The following LDLRAD2 variants were observed in gnomAD, a reference collection of about 807,000 sequenced individuals.
LDLRAD2 encodes the protein low density lipoprotein receptor class A domain containing 2, also known as low-density lipoprotein receptor class A domain-containing protein 2.
In LDLRAD2, 25 loss-of-function variants were observed where a neutral mutation model predicts 24.9. That is an observed-to-expected ratio of 1.00 (90% confidence interval 0.73 to 1.40). The LOEUF is 1.40. Ranked by LOEUF, LDLRAD2 falls within the 40% of genes most tolerant of loss-of-function variation. The probability of loss-of-function intolerance (pLI) is 0.00; values close to 1 mark genes in which losing one functional copy is unlikely to be tolerated. For missense variants in LDLRAD2, 391 were observed against 366.2 expected (o/e 1.07, Z -0.55); for synonymous variants, 182 against 166.7 (o/e 1.09, Z -0.71).
At chr1:21,819,099 T>C (rs759761094) in intron 3 of LDLRAD2, among the ~76,000 whole-genome samples, 17 of 151,722 alleles carry the variant, frequency 1.1e-4, no homozygotes, top group Non-Finnish European at 2.2e-4. Context: ...CCTGGCCAGG[T>C]GCGGTGGCTC....
chr1:21,812,413 C>T lies in LDLRAD2; in HGVS notation c.-39C>T. On this transcript the variant is annotated 5_prime_UTR_variant, in exon 1 of 5. Transcript: ENST00000344642. ...CCCCAGAGACCCCAAGCTGAAGATT[C>T]TGTGGGTCTGCCCCATTGCTGGGCA... The T allele has an allele frequency of 6.4e-7, 1 of 1,555,072 alleles. No homozygotes were observed. The highest frequency in any genetic ancestry group is 8.9e-7 in the Non-Finnish European group (1 of 1,126,850).
At position 21,824,015 on chromosome 1, in the gene LDLRAD2, C is replaced by G. The variant is rs1375866290; in HGVS notation, c.*1800C>G. 1.7e-5 allele frequency: 20 copies of G among 1,149,324 alleles called. No homozygotes were observed. In the East Asian group the frequency reaches 5.1e-4, roughly 29 times the overall value. 71.2% of individuals were successfully genotyped at this position (1,149,324 alleles called of 1,614,324 possible). On this transcript the variant is annotated 3_prime_UTR_variant, in exon 5 of 5. Transcript: ENST00000344642. The surrounding 1 kb of genome is among the most constrained non-coding windows in gnomAD (Gnocchi z 5.9). ...TTCTCCCCTCCCCTGGCTTCAAGTT[C>G]TGTCTCCACAGAGCTCAATACCTGC...
Position 21,814,662 on chromosome 1 carries a change from A to C in LDLRAD2, c.350A>C (p.Glu117Ala), listed in dbSNP as rs370165289. 2.5e-5 allele frequency: 40 copies of C among 1,589,720 alleles called. No individual in the cohort carries two copies. The highest frequency in any genetic ancestry group is 3.2e-5 in the Non-Finnish European group (38 of 1,169,272). ...CAPGSYLQFY[E>A]GPPGAPRPLG... is the part of the protein sequence containing the mutation. ...CCCGGCTCCTACCTGCAGTTCTACG[A>C]GGGCCCGCCGGGGGCGCCCCGGCCC... Residue 117 changes from glutamate to alanine, a missense_variant, in exon 2 of 5, where the codon GAG becomes GCG. Transcript: ENST00000344642.
chr1:21,814,307 G>A (rs1572107541), intron 1 of LDLRAD2, 91 bp from the exon 2 acceptor site: 2 of 1,082,186 alleles, frequency 1.8e-6, no homozygotes, highest in Non-Finnish European at 2.6e-6. Flanking sequence ...GAGAGGGCGA[G>A]TAACTCGCTT....
chr1:21,823,549 T>G lies in LDLRAD2; in HGVS notation c.*1334T>G. The G allele has an allele frequency of 6.2e-7, 1 of 1,610,660 alleles. No individual in the cohort carries two copies. The highest frequency in any genetic ancestry group is 8.5e-7 in the Non-Finnish European group (1 of 1,178,470). ...CAGCAGCCCAGGAGGCGAGGAAGGCTGGGCGAGCTCTAGCCCTAAGGGAGT... is the reference window on the plus strand; with the variant it reads ...CAGCAGCCCAGGAGGCGAGGAAGGCGGGGCGAGCTCTAGCCCTAAGGGAGT... On this transcript the variant is annotated 3_prime_UTR_variant, in exon 5 of 5. Transcript: ENST00000344642.
Position 21,824,833 on chromosome 1 carries a change from C to T in LDLRAD2, c.*2618C>T. 6.7e-7 allele frequency: 1 copy of T among 1,494,986 alleles called. No homozygotes were observed. Among genetic ancestry groups the T allele is most frequent in the Non-Finnish European group, 9.2e-7 (1 of 1,089,812 alleles). 92.6% of individuals were successfully genotyped at this position (1,494,986 alleles called of 1,614,324 possible). ...CCTGCTGCATCAGGCATCAAAATCCCCCGTCAGTTCCCCTGACCCCCACCT... is the reference window on the plus strand; with the variant it reads ...CCTGCTGCATCAGGCATCAAAATCCTCCGTCAGTTCCCCTGACCCCCACCT... On this transcript the variant is annotated 3_prime_UTR_variant, in exon 5 of 5. Transcript: ENST00000344642. The surrounding 1 kb of genome is among the most constrained non-coding windows in gnomAD (Gnocchi z 5.9).
intron 1 of LDLRAD2, among the ~76,000 whole-genome samples, chr1:21,813,922 A>G (rs1173359172): frequency 6.7e-6 from 1 of 149,964 alleles, no homozygotes; most frequent in African/African-American, 2.5e-5. Context: ...CCCAGGCTGG[A>G]GTGCAGTGGC....
chr1:21,812,589 T>G (rs1312162758), intron 1 of LDLRAD2, 53 bp downstream of exon 1: 1 of 1,433,114 alleles, frequency 7.0e-7, no homozygotes. Flanking sequence ...GCCCCCACCA[T>G]CCTTAGAGAC....
At chr1:21,819,905 A>C (rs899148913) in intron 3 of LDLRAD2, among the ~76,000 whole-genome samples, 1 of 152,214 alleles carries the variant, frequency 6.6e-6, no homozygotes, top group South Asian at 2.1e-4. Flanking sequence ...GAAACTTACA[A>C]TCTTGGCAGA....
chr1:21,818,479 G>C (rs1036124550), intron 3 of LDLRAD2, among the ~76,000 whole-genome samples: 1 of 152,206 alleles, frequency 6.6e-6, no homozygotes, highest in African/African-American at 2.4e-5. Flanking sequence ...CTCATGAAAA[G>C]ACTAGAGTTA....
chr1:21,824,069 C>T lies in LDLRAD2; in HGVS notation c.*1854C>T, dbSNP rs1040206506. The stretch of plus-strand genomic sequence containing the variant: ...TCTGCCCATGGTAGGGGGCGTCCTG[C>T]CCCACTCCAGAACGCTGGGCCCCAT... On this transcript the variant is annotated 3_prime_UTR_variant, in exon 5 of 5. Transcript: ENST00000344642. The surrounding 1 kb of genome is among the most constrained non-coding windows in gnomAD (Gnocchi z 5.9). The T allele has an allele frequency of 2.6e-6, 4 of 1,511,348 alleles. No homozygotes were observed. In the African/African-American group the frequency reaches 4.1e-5, roughly 15 times the overall value. The allele number at this position is 1,511,348 out of a possible 1,614,324, so 93.6% of individuals were successfully genotyped here. A position where few individuals can be genotyped will look rare whatever the true frequency, so the allele number is the denominator to read the frequency against.
chr1:21,816,289 T>C (rs2097943916), intron 3 of LDLRAD2, among the ~76,000 whole-genome samples: 1 of 152,206 alleles, frequency 6.6e-6, no homozygotes, highest in Non-Finnish European at 1.5e-5. Context: ...GATGCTTTAG[T>C]GGTGGAAACT....
At position 21,822,204 on chromosome 1, in the gene LDLRAD2, T is replaced by G. The variant is rs1187640058; in HGVS notation, c.808T>G (p.Ser270Ala). The change falls in exon 5 of 5, where the codon TCC (serine) becomes GCC (alanine). Residue 270 changes from serine to alanine, a missense_variant and splice_region_variant. Transcript: ENST00000344642. Reference sequence around the variant, plus strand: ...GCCCTGCTCTGCCCCATCCACAGGCTCCACTGAGTGAAGCCCTCATCAAAG... The same window carrying G: ...GCCCTGCTCTGCCCCATCCACAGGCGCCACTGAGTGAAGCCCTCATCAAAG... ...PTRQDAALEG[S>A]TE 1 of 1,614,098 alleles carries G rather than the reference T, an allele frequency of 6.2e-7. No homozygotes were observed. The highest frequency in any genetic ancestry group is 8.5e-7 in the Non-Finnish European group (1 of 1,179,984).
chr1:21,812,652 G>A, intron 1 of LDLRAD2, 116 bp downstream of exon 1: 1 of 811,216 alleles, frequency 1.2e-6, no homozygotes, highest in Non-Finnish European at 2.0e-6. Flanking sequence ...TTTGAGCTGG[G>A]GGAGGCTGGG....
chr1:21,815,867 C>A, intron 2 of LDLRAD2, 76 bp from the exon 3 acceptor site: 4 of 1,559,236 alleles, frequency 2.6e-6, no homozygotes, highest in African/African-American at 1.3e-5. Flanking sequence ...CACACTGTCA[C>A]CATGGGGGCC....
chr1:21,819,566 C>T (rs1053056517), intron 3 of LDLRAD2, among the ~76,000 whole-genome samples: 2 of 126,354 alleles, frequency 1.6e-5, no homozygotes, highest in Non-Finnish European at 1.6e-5. Flanking sequence ...TAAGCATATA[C>T]ATATGTATAT....
rs1023997960 is a variant in LDLRAD2, at chr1:21,823,458, C to A, written c.*1243C>A. ...TGTGATGCCTGAGGAGAATCTGCCC[C>A]CGGTCAGCGTGGCCACGTCAGGGGC... On this transcript the variant is annotated 3_prime_UTR_variant, in exon 5 of 5. Transcript: ENST00000344642. The A allele has an allele frequency of 1.3e-6, 2 of 1,596,072 alleles. No individual in the cohort carries two copies. Among genetic ancestry groups the A allele is most frequent in the Admixed American group, 1.7e-5 (1 of 58,754 alleles).
intron 3 of LDLRAD2, among the ~76,000 whole-genome samples, chr1:21,817,195 A>G (rs1412430549): frequency 6.6e-6 from 1 of 152,008 alleles, no homozygotes; most frequent in African/African-American, 2.4e-5. Flanking sequence ...CTCTGCCATC[A>G]CCTGGTCTGA....
At chr1:21,815,622 A>G (rs2097943076) in intron 2 of LDLRAD2, among the ~76,000 whole-genome samples, 1 of 152,198 alleles carries the variant, frequency 6.6e-6, no homozygotes, top group African/African-American at 2.4e-5. Context: ...AACAACAACA[A>G]AAAATAATTT....
Sources: gnomAD v4.1 joint callset for allele counts (sites outside exome capture counted in the v4.1 genomes callset) on GRCh38, gnomAD v4.1.1 for gene constraint, Gnocchi (gnomAD v3.1) non-coding constraint, MANE v1.5 for transcripts, NCBI Gene and HGNC (gene_info 2026-07-23, HGNC 2026-07-21) for gene names.